Variants in GRHL3 observed in about 807,000 individuals in gnomAD.
The protein encoded by GRHL3 is grainyhead like transcription factor 3.
Under a neutral mutation model 70.3 loss-of-function variants are expected in GRHL3, and 20 were observed. That is an observed-to-expected ratio of 0.28 (90% confidence interval 0.20 to 0.41). GRHL3 has a LOEUF of 0.41. Ranked by LOEUF, GRHL3 falls within the 10% of genes least tolerant of loss-of-function variation. GRHL3 has a pLI of 1.00. For missense variants in GRHL3, 637 were observed against 762.3 expected, an observed-to-expected ratio of 0.84 and a Z score of 1.94; for synonymous variants, 299 against 299.9, an observed-to-expected ratio of 1.00 and a Z score of 0.03.
At chr1:24,330,358 T>C (rs1472278014) in intron 1 of GRHL3, among the ~76,000 whole-genome samples, 1 of 152,208 alleles carries the variant, frequency 6.6e-6, no homozygotes, top group Non-Finnish European at 1.5e-5. Flanking sequence ...TTTGAGGACA[T>C]TATTCTGTAC....
In GRHL3 at chr1:24,332,150, A is replaced by T. The variant is rs1639638071; in HGVS notation, c.204+538A>T. Among the ~76,000 whole-genome samples the T allele has an allele frequency of 2.6e-5, 4 of 151,938 alleles. No homozygotes were observed. In the South Asian group the frequency reaches 8.4e-4, roughly 32 times the overall value. On this transcript the variant is annotated intron_variant, in intron 2 of 15. Coordinates refer to ENST00000361548, the MANE Select transcript of GRHL3 (RefSeq NM_198173.3). ...TTACGTTTCCCTGTCATCCCAACCT[A>T]CCTGGTACAGCCCCACCACCTGGAG...
At position 24,323,021 on chromosome 1, in the gene GRHL3, G is replaced by C; in HGVS notation, c.17+3453G>C. ...GGCCACCCCGCTTCCTCTGTGCTTAGCCTCTGAAAAGAAGACAGAGGAGAT... is the reference window on the plus strand; with the variant it reads ...GGCCACCCCGCTTCCTCTGTGCTTACCCTCTGAAAAGAAGACAGAGGAGAT... On this transcript the variant is annotated intron_variant, in intron 1 of 15. Coordinates refer to ENST00000361548, the MANE Select transcript of GRHL3 (RefSeq NM_198173.3). The C allele has an allele frequency of 4.6e-6, 7 of 1,505,948 alleles. No individual in the cohort carries two copies. In the South Asian group the frequency reaches 8.4e-5, roughly 18 times the overall value. The allele number at this position is 1,505,948 out of a possible 1,614,324, so 93.3% of individuals were successfully genotyped here. A position where few individuals can be genotyped will look rare whatever the true frequency, so the allele number is the denominator to read the frequency against.
At chr1:24,331,675 C>A in intron 2 of GRHL3, 63 bp downstream of exon 2, 1 of 1,443,726 alleles carries the variant, frequency 6.9e-7, no homozygotes, top group Non-Finnish European at 9.5e-7. Context: ...CTTCAGGCCT[C>A]ATGGCTCAGC....
rs967222670 is a variant in GRHL3 at position 24,321,352 on chromosome 1, T to G, written c.17+1784T>G. 6.6e-6 allele frequency among the ~76,000 whole-genome samples: 1 copy of G among 152,204 alleles called. No individual in the cohort carries two copies. Among genetic ancestry groups the G allele is most frequent in the African/African-American group, 2.4e-5 (1 of 41,458 alleles). On this transcript the variant is annotated intron_variant, in intron 1 of 15. Coordinates refer to ENST00000361548, the MANE Select transcript of GRHL3 (RefSeq NM_198173.3). The surrounding 1 kb of genome is among the most constrained non-coding windows in gnomAD (Gnocchi z 4.0). Reference sequence around the variant, plus strand: ...CGGACTCCAAGCCACCATTTGAGATTACAGTGGCAGAGCCTGGGGGCTCAG... The same window carrying G: ...CGGACTCCAAGCCACCATTTGAGATGACAGTGGCAGAGCCTGGGGGCTCAG...
At chr1:24,329,090 A>G (rs72878812) in intron 1 of GRHL3, among the ~76,000 whole-genome samples, 3,427 of 152,274 alleles carry the variant, frequency 0.023, 136 homozygotes, top group African/African-American at 0.079. Flanking sequence ...CTTGATTTAT[A>G]GCAACAGAAA....
chr1:24,331,293 A>G (rs1639594734), intron 1 of GRHL3, 133 bp from the exon 2 acceptor site: 2 of 767,580 alleles, frequency 2.6e-6, no homozygotes, highest in Non-Finnish European at 4.2e-6. Flanking sequence ...CACACTGCCT[A>G]ATGGTGGCAG....
downstream of GRHL3, chr1:24,357,743 G>A (rs1290386011): frequency 5.6e-6 from 1 of 180,162 alleles, no homozygotes; most frequent in Non-Finnish European, 1.2e-5. Flanking sequence ...AAAACCACTA[G>A]GGCACATTTC....
At chr1:24,330,397 C>A (rs578250921) in intron 1 of GRHL3, among the ~76,000 whole-genome samples, 2 of 152,322 alleles carry the variant, frequency 1.3e-5, no homozygotes, top group Admixed American at 1.3e-4. Context: ...GAGCTTGAAT[C>A]CCCTCTGGGC....
rs78289738 is a variant in GRHL3, at chr1:24,340,483, G to A, written c.1047+721G>A. Among the ~76,000 whole-genome samples the A allele has an allele frequency of 9.5e-3, 1,443 of 152,316 alleles. 30 individuals are homozygous for A. Among genetic ancestry groups the A allele is most frequent in the African/African-American group, 0.032 (1,320 of 41,572 alleles). ...AGCCTTAGTGCTTGAGCCCAGCCGC[G>A]GGCTTGCCATGTGCGCATGGGCCTC... On this transcript the variant is annotated intron_variant, in intron 8 of 15. Coordinates refer to ENST00000361548, the MANE Select transcript of GRHL3 (RefSeq NM_198173.3).
intron 11 of GRHL3, among the ~76,000 whole-genome samples, chr1:24,343,803 A>G (rs144037760): frequency 1.8e-3 from 278 of 152,358 alleles, no homozygotes; most frequent in Non-Finnish European, 3.0e-3. Flanking sequence ...TTTCTTCAGG[A>G]ATATTTATAC....
At chr1:24,363,718 G>A (rs906791203) in intron 15 of GRHL3, among the ~76,000 whole-genome samples, 1 of 152,230 alleles carries the variant, frequency 6.6e-6, no homozygotes, top group Non-Finnish European at 1.5e-5. Context: ...AAGAGACAGA[G>A]ACAGAGGGAC....
At chr1:24,324,392 G>A (rs905636535) in intron 1 of GRHL3, among the ~76,000 whole-genome samples, 5 of 152,198 alleles carry the variant, frequency 3.3e-5, no homozygotes, top group African/African-American at 9.6e-5. Context: ...GGATGATTCT[G>A]CCAGCTAGGA....
intron 15 of GRHL3, 31 bp downstream of exon 15, chr1:24,350,153 G>T (rs1640448706): frequency 1.3e-6 from 2 of 1,589,366 alleles, no homozygotes; most frequent in Non-Finnish European, 8.6e-7. Flanking sequence ...CCCCCAGCTG[G>T]TTGCTCAGTG....
intron 1 of GRHL3, among the ~76,000 whole-genome samples, chr1:24,325,795 C>T (rs1490108010): frequency 6.6e-6 from 1 of 152,216 alleles, no homozygotes; most frequent in Non-Finnish European, 1.5e-5. Context: ...GACGGGAGGC[C>T]TCAAGAAGTG....
chr1:24,342,025 C>T lies in GRHL3; in HGVS notation c.1048-90C>T, dbSNP rs143900922. The T allele has an allele frequency of 2.4e-4, 305 of 1,277,654 alleles. 1 individual carries two copies. In the African/African-American group the frequency reaches 3.7e-3, roughly 16 times the overall value. The allele number at this position is 1,277,654 out of a possible 1,614,324, so 79.1% of individuals were successfully genotyped here. On this transcript the variant is annotated intron_variant, in intron 8 of 15. Transcript: ENST00000361548. The surrounding 1 kb of genome is among the most constrained non-coding windows in gnomAD (Gnocchi z 4.8). ...GAGGCTTAAGGGTGAGCAGCAGGCA[C>T]ACAGAAAGCTAGAAATACAGGATCA...
rs1438089396 is a variant in GRHL3 at position 24,364,237 on chromosome 1, CTT to C, written c.1748_1749del (p.Leu583ArgfsTer71). Reference sequence around the variant, plus strand: ...GTCTCGCCACCCCCCACCTGACTGTCTTGAATGTTCCCATCCTGTGACTCAAG... The same window carrying C: ...GTCTCGCCACCCCCCACCTGACTGTCGAATGTTCCCATCCTGTGACTCAAG... On this transcript the variant is annotated frameshift_variant, in exon 16 of 16. Coordinates refer to the GRHL3 transcript ENST00000350501. LOFTEE classifies it low-confidence loss of function (END_TRUNC). 8.4e-6 allele frequency: 13 copies of C among 1,547,972 alleles called. No individual in the cohort carries two copies. Among genetic ancestry groups the C allele is most frequent in the Non-Finnish European group, 1.1e-5 (13 of 1,146,078 alleles).
chr1:24,356,108 C>T (rs1640708321), downstream of GRHL3, among the ~76,000 whole-genome samples: 1 of 151,972 alleles, frequency 6.6e-6, no homozygotes, highest in African/African-American at 2.4e-5. Context: ...ACCATATTGG[C>T]CAGGCTGGTC....
chr1:24,349,366 C>T (rs773705589), intron 14 of GRHL3, among the ~76,000 whole-genome samples: 1 of 152,218 alleles, frequency 6.6e-6, no homozygotes, highest in Non-Finnish European at 1.5e-5. Flanking sequence ...TCCGCATGCT[C>T]GCCCAACAAA....
chr1:24,342,249 C>T lies in GRHL3; in HGVS notation c.1182C>T (p.Cys394=). 3 of 1,609,728 alleles carry T rather than the reference C, an allele frequency of 1.9e-6. No individual in the cohort carries two copies. Among genetic ancestry groups the T allele is most frequent in the Non-Finnish European group, 2.5e-6 (3 of 1,177,728 alleles). ...AGCGCCTGGTACACCGTGCTGTCTG[C>T]CAGATCAAGATCTTCTGTGACAAGG... ...GTERLVHRAV[C]QIKIFCDKGA... The change falls in exon 9 of 16, where the codon TGC becomes TGT. Residue 394 remains cysteine (C), a synonymous_variant. Transcript: ENST00000361548. This position sits in a 1 kb window ranked among gnomAD's most constrained non-coding sequence, Gnocchi z 4.8.
Sources: gnomAD v4.1 joint callset for allele counts (sites outside exome capture counted in the v4.1 genomes callset) on GRCh38, gnomAD v4.1.1 for gene constraint, Gnocchi (gnomAD v3.1) non-coding constraint, MANE v1.5 for transcripts, NCBI Gene and HGNC (gene_info 2026-07-23, HGNC 2026-07-21) for gene names.